Variants in LHFPL6 observed in about 807,000 individuals in gnomAD.
LHFPL6 encodes LHFPL tetraspan subfamily member 6.
Under a neutral mutation model 20.6 loss-of-function variants are expected in LHFPL6, and 9 were observed. The ratio of observed to expected loss-of-function variants is 0.44; its 90% CI spans 0.26 to 0.76. The LOEUF (loss-of-function observed/expected upper bound fraction) is 0.76. Among genes scored for constraint, LHFPL6 ranks in the 30% least tolerant of loss-of-function variants. The probability of loss-of-function intolerance (pLI) is 0.20; values close to 1 mark genes in which losing one functional copy is unlikely to be tolerated. For missense variants in LHFPL6, 218 were observed against 253.5 expected (o/e 0.86, Z 0.95); for synonymous variants, 105 against 98.7 (o/e 1.06, Z -0.38).
chr13:39,496,673 A>T (rs757242183), intron 2 of LHFPL6, among the ~76,000 whole-genome samples: 14 of 152,228 alleles, frequency 9.2e-5, no homozygotes, highest in Non-Finnish European at 1.9e-4. Flanking sequence ...ATGCAGCTTC[A>T]TGAATGGCTA....
At chr13:39,525,643 G>A (rs1870262685) in intron 2 of LHFPL6, among the ~76,000 whole-genome samples, 1 of 151,422 alleles carries the variant, frequency 6.6e-6, no homozygotes, top group South Asian at 2.1e-4. Flanking sequence ...TGACCTTGAG[G>A]AACAGTGACA....
chr13:39,404,148 T>C (rs1398728710), intron 2 of LHFPL6, among the ~76,000 whole-genome samples: 1 of 152,230 alleles, frequency 6.6e-6, no homozygotes, highest in African/African-American at 2.4e-5. Flanking sequence ...GATGGAATTT[T>C]GTTTGAAATT....
chr13:39,364,114 C>T (rs142246690), intron 3 of LHFPL6, among the ~76,000 whole-genome samples: 60 of 152,120 alleles, frequency 3.9e-4, no homozygotes, highest in African/African-American at 1.3e-3. Context: ...TACTTCATGT[C>T]AATATAAGTA....
intron 2 of LHFPL6, among the ~76,000 whole-genome samples, chr13:39,432,918 C>G (rs1048289853): frequency 6.6e-6 from 1 of 152,206 alleles, no homozygotes; most frequent in Non-Finnish European, 1.5e-5. Flanking sequence ...AATTTTATGG[C>G]TGAAGTATAG....
At chr13:39,502,390 G>T (rs558122396) in intron 2 of LHFPL6, among the ~76,000 whole-genome samples, 5 of 152,068 alleles carry the variant, frequency 3.3e-5, no homozygotes, top group Admixed American at 1.3e-4. Context: ...AGGCCAATGC[G>T]GCAGGATCGC....
At chr13:39,575,778 G>C (rs1043877014) in intron 2 of LHFPL6, among the ~76,000 whole-genome samples, 2 of 152,126 alleles carry the variant, frequency 1.3e-5, no homozygotes, top group Non-Finnish European at 2.9e-5. Context: ...GGGTGTGCAC[G>C]GTTTCTCCTT....
At chr13:39,389,549 C>G (rs1034557913) in intron 2 of LHFPL6, among the ~76,000 whole-genome samples, 2 of 152,128 alleles carry the variant, frequency 1.3e-5, no homozygotes, top group African/African-American at 4.8e-5. Context: ...GTGGCCTAGG[C>G]AGGTCACTTG....
intron 2 of LHFPL6, among the ~76,000 whole-genome samples, chr13:39,442,888 G>A (rs1187301027): frequency 6.6e-6 from 1 of 152,048 alleles, no homozygotes; most frequent in Non-Finnish European, 1.5e-5. Flanking sequence ...TGACCCTCAT[G>A]GCTCAGTTCC....
At chr13:39,541,417 C>A (rs760831018) in intron 2 of LHFPL6, among the ~76,000 whole-genome samples, 1 of 152,174 alleles carries the variant, frequency 6.6e-6, no homozygotes, top group African/African-American at 2.4e-5. Flanking sequence ...CCTAGCTGTG[C>A]GACATTATGT....
chr13:39,408,929 C>T (rs1871184750), intron 2 of LHFPL6, among the ~76,000 whole-genome samples: 1 of 152,098 alleles, frequency 6.6e-6, no homozygotes. Flanking sequence ...CTTTTTCCAA[C>T]CCAAAGCCAC....
chr13:39,447,103 G>A (rs1045884552), intron 2 of LHFPL6, among the ~76,000 whole-genome samples: 2 of 152,140 alleles, frequency 1.3e-5, no homozygotes, highest in Non-Finnish European at 2.9e-5. Flanking sequence ...AATATGTACT[G>A]ATTTTGTTTC....
chr13:39,359,840 G>T (rs1367349922), intron 3 of LHFPL6, among the ~76,000 whole-genome samples: 1 of 152,014 alleles, frequency 6.6e-6, no homozygotes, highest in Non-Finnish European at 1.5e-5. Flanking sequence ...AACATACAAG[G>T]CTCTTTTGAC....
chr13:39,455,487 C>T (rs1479178780), intron 2 of LHFPL6, among the ~76,000 whole-genome samples: 1 of 152,170 alleles, frequency 6.6e-6, no homozygotes, highest in African/African-American at 2.4e-5. Context: ...AATACCAAAT[C>T]CCATCTTCCA....
intron 2 of LHFPL6, among the ~76,000 whole-genome samples, chr13:39,551,079 T>A (rs1214641172): frequency 3.3e-5 from 5 of 152,188 alleles, no homozygotes; most frequent in Non-Finnish European, 7.3e-5. Context: ...TCTATTCTTT[T>A]GCTAATAGCA....
chr13:39,518,315 G>T (rs1869994052), intron 2 of LHFPL6, among the ~76,000 whole-genome samples: 1 of 152,056 alleles, frequency 6.6e-6, no homozygotes, highest in Non-Finnish European at 1.5e-5. Flanking sequence ...CAACACTTTA[G>T]GTCTCAAACA....
chr13:39,524,536 AC>A (rs1870226945), intron 2 of LHFPL6, among the ~76,000 whole-genome samples: 1 of 152,220 alleles, frequency 6.6e-6, no homozygotes, highest in Non-Finnish European at 1.5e-5. Context: ...TCTTGATTCA[AC>A]CCTCTATAAT....
intron 2 of LHFPL6, among the ~76,000 whole-genome samples, chr13:39,476,024 AT>A (rs888492163): frequency 2.0e-5 from 3 of 151,978 alleles, no homozygotes; most frequent in East Asian, 1.9e-4. Flanking sequence ...ATTAGCAGTA[AT>A]TTTTTTTGTT....
chr13:39,448,258 G>A (rs896141126), intron 2 of LHFPL6, among the ~76,000 whole-genome samples: 1 of 152,186 alleles, frequency 6.6e-6, no homozygotes, highest in Admixed American at 6.5e-5. Flanking sequence ...ATATGCTCTT[G>A]TCTATTGGCC....
intron 2 of LHFPL6, among the ~76,000 whole-genome samples, chr13:39,501,455 TAG>T (rs1305532119): frequency 1.3e-5 from 2 of 152,326 alleles, no homozygotes; most frequent in African/African-American, 4.8e-5. Context: ...ATTCAATGTT[TAG>T]AGAGTCTGTG....
Sources: allele counts gnomAD v4.1 joint callset (sites outside exome capture counted in the v4.1 genomes callset), GRCh38; gene constraint gnomAD v4.1.1; transcripts MANE v1.5; gene names NCBI Gene and HGNC (gene_info 2026-07-23, HGNC 2026-07-21).